Variants in ABLIM1 observed in about 807,000 individuals in gnomAD.
ABLIM1 encodes actin-binding LIM protein 1.
Under a neutral mutation model 107.0 loss-of-function variants are expected in ABLIM1, and 40 were observed. The ratio of observed to expected loss-of-function variants is 0.37; its 90% CI spans 0.29 to 0.49. The LOEUF (loss-of-function observed/expected upper bound fraction) is 0.49. Ranked by LOEUF, ABLIM1 falls within the 20% of genes least tolerant of loss-of-function variation. The pLI, the probability that ABLIM1 is intolerant of heterozygous loss-of-function variation, is 0.97. For missense variants in ABLIM1, 857 were observed against 1,008.5 expected, an observed-to-expected ratio of 0.85 and a Z score of 2.04; for synonymous variants, 357 against 357.3, an observed-to-expected ratio of 1.00 and a Z score of 0.01.
chr10:114,443,920 T>G (rs2139298952), intron 17 of ABLIM1, 109 bp downstream of exon 17: 1 of 847,774 alleles, frequency 1.2e-6, no homozygotes, highest in East Asian at 2.6e-5. Context: ...ACACTTCCTT[T>G]CCCGTGGAAT....
chr10:114,690,421 C>A, intron 1 of ABLIM1: 1 of 1,604,064 alleles, frequency 6.2e-7, no homozygotes, highest in Non-Finnish European at 8.5e-7. Flanking sequence ...GACTTGCCAC[C>A]AGTGCCATTA....
intron 1 of ABLIM1, among the ~76,000 whole-genome samples, chr10:114,728,831 T>C (rs2082015880): frequency 3.3e-5 from 5 of 152,228 alleles, no homozygotes; most frequent in East Asian, 1.9e-4. Flanking sequence ...CTTAAAACAA[T>C]CTGAAGTATG....
At chr10:114,486,193 G>A (rs2058168221) in intron 8 of ABLIM1, among the ~76,000 whole-genome samples, 2 of 152,170 alleles carry the variant, frequency 1.3e-5, no homozygotes, top group African/African-American at 4.8e-5. Context: ...TTATCAGAGT[G>A]TTGTTGGTTT....
At chr10:114,501,129 C>T (rs912430250) in intron 6 of ABLIM1, among the ~76,000 whole-genome samples, 3 of 152,192 alleles carry the variant, frequency 2.0e-5, no homozygotes, top group Non-Finnish European at 4.4e-5. Context: ...TGCTTGTTTC[C>T]AGACACCATG....
At chr10:114,787,702 A>T in the ABLIM1 span, among the ~76,000 whole-genome samples, 1 of 30,906 alleles carries the variant, frequency 3.2e-5, no homozygotes, top group African/African-American at 8.8e-5. Flanking sequence ...TCCGGGAGGG[A>T]GGTGGGGGGG....
chr10:114,617,405 G>A (rs764262035), intron 1 of ABLIM1, among the ~76,000 whole-genome samples: 10 of 151,968 alleles, frequency 6.6e-5, no homozygotes, highest in Non-Finnish European at 1.5e-4. Context: ...GGGATTACAG[G>A]TGCGTGCCAA....
intron 1 of ABLIM1, among the ~76,000 whole-genome samples, chr10:114,671,548 T>A (rs898785946): frequency 6.6e-6 from 1 of 152,216 alleles, no homozygotes; most frequent in Non-Finnish European, 1.5e-5. Flanking sequence ...CAAACACTTT[T>A]CCAAAGTGAG....
intron 1 of ABLIM1, among the ~76,000 whole-genome samples, chr10:114,696,989 G>A (rs2081207814): frequency 6.6e-6 from 1 of 152,124 alleles, no homozygotes; most frequent in Non-Finnish European, 1.5e-5. Context: ...TAAGTCCTAG[G>A]GCTATGCTGA....
At chr10:114,761,285 G>A (rs1185971050) in intron 1 of ABLIM1, among the ~76,000 whole-genome samples, 2 of 151,688 alleles carry the variant, frequency 1.3e-5, no homozygotes, top group Non-Finnish European at 2.9e-5. Context: ...AAAAAGTGTG[G>A]TTCTGATTCC....
At chr10:114,682,006 G>C (rs1028567277) in intron 1 of ABLIM1, among the ~76,000 whole-genome samples, 1 of 152,104 alleles carries the variant, frequency 6.6e-6, no homozygotes, top group African/African-American at 2.4e-5. Flanking sequence ...AGTGCTAATC[G>C]GCACGATGCA....
At chr10:114,630,823 C>T (rs1476671237) in intron 1 of ABLIM1, among the ~76,000 whole-genome samples, 4 of 152,016 alleles carry the variant, frequency 2.6e-5, no homozygotes, top group African/African-American at 9.7e-5. Flanking sequence ...TCTAAGTGTA[C>T]TAGACAGCAA....
At chr10:114,536,240 T>C (rs1591002378) in intron 6 of ABLIM1, among the ~76,000 whole-genome samples, 3 of 44,800 alleles carry the variant, frequency 6.7e-5, no homozygotes, top group African/African-American at 1.8e-4. Flanking sequence ...TTTTTTTTTT[T>C]TTTTTTTTTT....
intron 1 of ABLIM1, among the ~76,000 whole-genome samples, chr10:114,626,544 C>T (rs542175343): frequency 1.3e-3 from 197 of 152,192 alleles, no homozygotes; most frequent in African/African-American, 4.5e-3. Context: ...AGCTCATCTC[C>T]TTCCTCCCAC....
chr10:114,484,794 G>A (rs1484088685), intron 8 of ABLIM1, among the ~76,000 whole-genome samples: 4 of 152,134 alleles, frequency 2.6e-5, no homozygotes, highest in African/African-American at 4.8e-5. Context: ...CCCCTCATGG[G>A]CAAATCTCAG....
At position 114,444,152 on chromosome 10, in the gene ABLIM1, G is replaced by GAAAAAAAAA; in HGVS notation, c.1828-27_1828-19dup. ...GAGTTAAGCTATTCACAGAAAAAAG[G>GAAAAAAAAA]AAAAAAAAAAAAAAAAGAAAGCAAA... is the stretch of plus-strand genomic sequence containing the variant. On this transcript the variant is annotated intron_variant, in intron 16 of 22. Coordinates refer to ENST00000533213, the MANE Select transcript of ABLIM1 (RefSeq NM_002313.7). The GAAAAAAAAA allele has an allele frequency of 2.4e-6, 3 of 1,276,170 alleles. No homozygotes were observed. Among genetic ancestry groups the GAAAAAAAAA allele is most frequent in the East Asian group, 2.5e-5 (1 of 39,434 alleles). The allele number at this position is 1,276,170 out of a possible 1,614,324, so 79.1% of individuals were successfully genotyped here. A position where few individuals can be genotyped will look rare whatever the true frequency, so the allele number is the denominator to read the frequency against.
rs956738748 is a variant in ABLIM1 at position 114,619,005 on chromosome 10, T to C, written c.245-17044A>G. On this transcript the variant is annotated intron_variant, in intron 1 of 22. Transcript: ENST00000533213. This position sits in a 1 kb window ranked among gnomAD's most constrained non-coding sequence, Gnocchi z 4.1. Reference sequence around the variant, plus strand: ...CAAGTGCTTTTTGAATCCTGTTGTATATTGCAAGGGTGCTTTCAAGTCAAG... The same window carrying C: ...CAAGTGCTTTTTGAATCCTGTTGTACATTGCAAGGGTGCTTTCAAGTCAAG... Among the ~76,000 whole-genome samples, 3 of 152,034 alleles carry C rather than the reference T, an allele frequency of 2.0e-5. No homozygotes were observed. Among genetic ancestry groups the C allele is most frequent in the African/African-American group, 7.2e-5 (3 of 41,392 alleles).
intron 1 of ABLIM1, among the ~76,000 whole-genome samples, chr10:114,717,039 C>CTCATTCAT (rs35290540): frequency 1.8e-3 from 276 of 150,956 alleles, no homozygotes; most frequent in Non-Finnish European, 2.9e-3. Context: ...ATCATGGTAT[C>CTCATTCAT]TCATTCATTC....
At chr10:114,616,238 C>T (rs1390336593) in intron 1 of ABLIM1, among the ~76,000 whole-genome samples, 1 of 152,090 alleles carries the variant, frequency 6.6e-6, no homozygotes, top group African/African-American at 2.4e-5. Flanking sequence ...AATTGCCTGC[C>T]CCACTCCTCC....
intron 1 of ABLIM1, among the ~76,000 whole-genome samples, chr10:114,668,417 T>G (rs1040331378): frequency 6.6e-6 from 1 of 152,210 alleles, no homozygotes; most frequent in Admixed American, 6.5e-5. Context: ...GCACTATTTA[T>G]AGGAGACAGC....
Sources: allele counts gnomAD v4.1 joint callset (sites outside exome capture counted in the v4.1 genomes callset), GRCh38; gene constraint gnomAD v4.1.1; non-coding constraint Gnocchi (gnomAD v3.1); transcripts MANE v1.5; gene names NCBI Gene and HGNC (gene_info 2026-07-23, HGNC 2026-07-21).